The following FSTL5 variants were observed in gnomAD, a reference collection of about 807,000 sequenced individuals.
FSTL5 encodes the protein follistatin-related protein 5.
Under a neutral mutation model 89.1 loss-of-function variants are expected in FSTL5, and 62 were observed. That is an observed-to-expected ratio of 0.70 (90% CI 0.57 to 0.86). FSTL5 has a LOEUF of 0.86. Among genes scored for constraint, FSTL5 ranks in the 40% least tolerant of loss-of-function variants. The pLI is 0.00. For missense variants in FSTL5, 1,057 were observed against 1,001.6 expected (o/e 1.06, Z -0.75); for synonymous variants, 383 against 346.2 (o/e 1.11, Z -1.18).
rs575653839 is a variant in FSTL5, at chr4:162,111,490, T to C, written c.-16-78A>G. ...AACATGTATCATGAAATATTTAATA[T>C]CACATATAAATCTCCATTAATCTAA... On this transcript the variant is annotated intron_variant, in intron 1 of 15. Coordinates refer to ENST00000306100, the MANE Select transcript of FSTL5 (RefSeq NM_020116.5). 1.8e-4 allele frequency: 202 copies of C among 1,143,830 alleles called. 2 individuals carry two copies. In the South Asian group the frequency reaches 3.1e-3, roughly 17 times the overall value. 70.9% of individuals were successfully genotyped at this position (1,143,830 alleles called of 1,614,324 possible).
At chr4:161,586,490 T>C (rs1355535096) in intron 8 of FSTL5, among the ~76,000 whole-genome samples, 1 of 152,244 alleles carries the variant, frequency 6.6e-6, no homozygotes, top group Non-Finnish European at 1.5e-5. Flanking sequence ...TCCTCAGTGA[T>C]ACTGACAGAA....
chr4:161,638,276 G>T (rs1375026171), intron 7 of FSTL5, among the ~76,000 whole-genome samples: 1 of 151,402 alleles, frequency 6.6e-6, no homozygotes, highest in African/African-American at 2.4e-5. Flanking sequence ...GTCTGTTGTT[G>T]GTGTATAAGA....
At chr4:161,522,375 C>G (rs1312342656) in intron 10 of FSTL5, among the ~76,000 whole-genome samples, 1 of 152,080 alleles carries the variant, frequency 6.6e-6, no homozygotes, top group Non-Finnish European at 1.5e-5. Flanking sequence ...AGACTCCACA[C>G]ACATGTTTAA....
At chr4:161,489,719 A>AC (rs1207873005) in intron 12 of FSTL5, among the ~76,000 whole-genome samples, 5 of 152,090 alleles carry the variant, frequency 3.3e-5, no homozygotes, top group Non-Finnish European at 7.4e-5. Context: ...AAGTTAACTG[A>AC]CCCCCAACTA....
intron 6 of FSTL5, among the ~76,000 whole-genome samples, chr4:161,709,272 T>C (rs1449241705): frequency 6.6e-6 from 1 of 152,166 alleles, no homozygotes; most frequent in Non-Finnish European, 1.5e-5. Flanking sequence ...AAATTCAATA[T>C]TGATACATAA....
chr4:161,679,627 G>C (rs1357350619), intron 6 of FSTL5, among the ~76,000 whole-genome samples: 2 of 151,690 alleles, frequency 1.3e-5, no homozygotes, highest in Non-Finnish European at 3.0e-5. Flanking sequence ...ACATGTGCTT[G>C]GTACACAGTA....
chr4:161,720,663 C>T (rs1286977932), intron 6 of FSTL5, among the ~76,000 whole-genome samples: 1 of 152,128 alleles, frequency 6.6e-6, no homozygotes, highest in Non-Finnish European at 1.5e-5. Context: ...TATATTCTTA[C>T]AATGGAATAT....
chr4:161,754,102 A>G (rs1222806576), intron 6 of FSTL5, among the ~76,000 whole-genome samples: 1 of 151,158 alleles, frequency 6.6e-6, no homozygotes, highest in African/African-American at 2.4e-5. Flanking sequence ...TTTTCAATAT[A>G]AAAGTTAATA....
intron 4 of FSTL5, among the ~76,000 whole-genome samples, chr4:161,919,312 T>G (rs1733926025): frequency 6.6e-6 from 1 of 152,148 alleles, no homozygotes; most frequent in Non-Finnish European, 1.5e-5. Flanking sequence ...TTATCCCAGT[T>G]TTACTTCAAA....
chr4:161,527,607 A>G (rs1578900663), intron 10 of FSTL5, among the ~76,000 whole-genome samples: 1 of 152,194 alleles, frequency 6.6e-6, no homozygotes, highest in East Asian at 1.9e-4. Flanking sequence ...ACCATCTCAC[A>G]CCAGTTAGAA....
At chr4:162,054,915 T>A (rs1311792633) in intron 2 of FSTL5, among the ~76,000 whole-genome samples, 2 of 151,846 alleles carry the variant, frequency 1.3e-5, no homozygotes, top group Admixed American at 6.6e-5. Context: ...CCTAAAGACA[T>A]AAGAAATCAT....
intron 5 of FSTL5, among the ~76,000 whole-genome samples, chr4:161,774,421 T>G (rs535478952): frequency 1.3e-5 from 2 of 152,268 alleles, no homozygotes; most frequent in Non-Finnish European, 2.9e-5. Context: ...GTTTGTGGTA[T>G]TTTCTTATGC....
intron 7 of FSTL5, among the ~76,000 whole-genome samples, chr4:161,620,334 TATA>T (rs969934386): frequency 1.3e-5 from 2 of 151,934 alleles, no homozygotes; most frequent in African/African-American, 4.8e-5. Flanking sequence ...AAACGTAAAG[TATA>T]ATAATAATTT....
intron 13 of FSTL5, among the ~76,000 whole-genome samples, chr4:161,465,825 C>T (rs1420404504): frequency 6.6e-6 from 1 of 152,180 alleles, no homozygotes; most frequent in East Asian, 1.9e-4. Context: ...AAGTTGTTCA[C>T]ACTGTAGCCT....
At chr4:162,101,303 TC>T (rs1378607811) in intron 2 of FSTL5, among the ~76,000 whole-genome samples, 1 of 152,222 alleles carries the variant, frequency 6.6e-6, no homozygotes, top group Non-Finnish European at 1.5e-5. Flanking sequence ...TCAGGGTAAG[TC>T]AAACTGTGTA....
rs1158691574 is a variant in FSTL5, at chr4:161,530,257, T to C, written c.1312+7909A>G. ...ACTTCTAAAATAGGAAGATACCTCA[T>C]AACTATTCATATGTTTTTCAATTTT... On this transcript the variant is annotated intron_variant, in intron 10 of 15. Coordinates refer to ENST00000306100, the MANE Select transcript of FSTL5 (RefSeq NM_020116.5). 3.5e-5 allele frequency among the ~76,000 whole-genome samples: 5 copies of C among 142,428 alleles called. 1 individual carries two copies. The highest frequency in any genetic ancestry group is 4.9e-4 in the South Asian group (2 of 4,100). 93.4% of individuals were successfully genotyped at this position (142,428 alleles called of 152,430 possible).
chr4:161,907,939 GTAA>G (rs1448273363), intron 4 of FSTL5, among the ~76,000 whole-genome samples: 1 of 151,906 alleles, frequency 6.6e-6, no homozygotes, highest in East Asian at 1.9e-4. Context: ...CTCATACTCA[GTAA>G]TAATAAGCTG....
chr4:161,713,267 T>G (rs1738859715), intron 6 of FSTL5, among the ~76,000 whole-genome samples: 1 of 152,224 alleles, frequency 6.6e-6, no homozygotes, highest in Admixed American at 6.5e-5. Flanking sequence ...CACATATACA[T>G]GCTGTTAATA....
intron 13 of FSTL5, among the ~76,000 whole-genome samples, chr4:161,477,334 T>C (rs1319568140): frequency 1.3e-5 from 2 of 151,056 alleles, no homozygotes; most frequent in Non-Finnish European, 3.0e-5. Flanking sequence ...CTTTTTAAAG[T>C]ATATATATTT....
Sources: gnomAD v4.1 joint callset for allele counts (sites outside exome capture counted in the v4.1 genomes callset) on GRCh38, gnomAD v4.1.1 for gene constraint, MANE v1.5 for transcripts, NCBI Gene and HGNC (gene_info 2026-07-23, HGNC 2026-07-21) for gene names.